The following PRKCB variants were observed in gnomAD, a reference collection of about 807,000 sequenced individuals.
The protein encoded by PRKCB is protein kinase C beta.
Under a neutral mutation model 81.5 loss-of-function variants are expected in PRKCB, and 13 were observed. The observed-to-expected ratio is 0.16, with a 90% CI of 0.10 to 0.25. The LOEUF (loss-of-function observed/expected upper bound fraction) is 0.25, where lower values mean the gene tolerates loss of function less well. Ranked by LOEUF, PRKCB falls within the 10% of genes least tolerant of loss-of-function variation. PRKCB has a pLI of 1.00. For synonymous variants in PRKCB, 335 were observed against 321.4 expected, an observed-to-expected ratio of 1.04 and a Z score of -0.45; for missense variants, 509 against 875.7, an observed-to-expected ratio of 0.58 and a Z score of 5.29.
At chr16:24,080,850 G>A (rs1467509906) in intron 5 of PRKCB, among the ~76,000 whole-genome samples, 2 of 152,048 alleles carry the variant, frequency 1.3e-5, no homozygotes, top group South Asian at 4.2e-4. Context: ...GTGCTTAAAA[G>A]GAAATTTATA....
chr16:23,938,463 T>TAAA (rs1366355090), intron 2 of PRKCB, among the ~76,000 whole-genome samples: 2 of 152,218 alleles, frequency 1.3e-5, no homozygotes, highest in Non-Finnish European at 2.9e-5. Flanking sequence ...TAATTAAACA[T>TAAA]AATATTGAGT....
At chr16:23,875,617 CAT>C (rs10577968) in intron 2 of PRKCB, among the ~76,000 whole-genome samples, 1,214 of 32,222 alleles carry the variant, frequency 0.038, 92 homozygotes, top group East Asian at 0.073. Context: ...ATATCACACA[CAT>C]ATATGTATGT....
chr16:24,087,048 G>C (rs10163332), intron 5 of PRKCB, among the ~76,000 whole-genome samples: 8,397 of 152,110 alleles, frequency 0.055, 683 homozygotes, highest in African/African-American at 0.18. Flanking sequence ...ATTTTTATAT[G>C]TGTGCACATT....
chr16:24,132,795 T>TTTTTTC (rs1567386726), intron 9 of PRKCB, among the ~76,000 whole-genome samples: 30 of 138,920 alleles, frequency 2.2e-4, no homozygotes, highest in African/African-American at 7.8e-4. Flanking sequence ...TTTTTTTTCT[T>TTTTTTC]CTAGAGACAG....
chr16:23,840,507 T>C (rs1336015341), intron 2 of PRKCB, among the ~76,000 whole-genome samples: 3 of 152,202 alleles, frequency 2.0e-5, no homozygotes, highest in Non-Finnish European at 2.9e-5. Context: ...CTACATCCTC[T>C]TAGCTAGGGT....
Position 23,937,279 on chromosome 16 carries a change from A to C in PRKCB, c.206-51229A>C, listed in dbSNP as rs537801494. ...ATGCTTCTGTGCACTGAAGTTTCAG[A>C]ACCACTGTTCTAAGGGATTTGTTGT... On this transcript the variant is annotated intron_variant, in intron 2 of 16. Transcript: ENST00000643927. Among the ~76,000 whole-genome samples the C allele has an allele frequency of 2.6e-5, 4 of 152,326 alleles. No individual in the cohort carries two copies. In the East Asian group the frequency reaches 5.8e-4, roughly 22 times the overall value.
At chr16:23,943,891 G>A (rs1412817770) in intron 2 of PRKCB, among the ~76,000 whole-genome samples, 1 of 152,136 alleles carries the variant, frequency 6.6e-6, no homozygotes, top group Non-Finnish European at 1.5e-5. Context: ...CAACATAGAG[G>A]GGAAAAGATC....
chr16:23,952,260 C>A (rs1964293724), intron 2 of PRKCB, among the ~76,000 whole-genome samples: 1 of 152,330 alleles, frequency 6.6e-6, no homozygotes, highest in African/African-American at 2.4e-5. Flanking sequence ...AGAGAAGCCC[C>A]CCTCATTCCA....
At chr16:24,047,999 T>G (rs1045408339) in intron 5 of PRKCB, among the ~76,000 whole-genome samples, 1 of 152,210 alleles carries the variant, frequency 6.6e-6, no homozygotes, top group African/African-American at 2.4e-5. Flanking sequence ...TGGCTGACGC[T>G]TACTGAGCCC....
intron 2 of PRKCB, among the ~76,000 whole-genome samples, chr16:23,972,950 C>A (rs1160785911): frequency 6.6e-6 from 1 of 152,118 alleles, no homozygotes; most frequent in Non-Finnish European, 1.5e-5. Context: ...GAGCTAGTGC[C>A]TATTATGGTG....
chr16:23,991,698 C>G (rs572473852), intron 3 of PRKCB, among the ~76,000 whole-genome samples: 1 of 152,314 alleles, frequency 6.6e-6, no homozygotes, highest in African/African-American at 2.4e-5. Context: ...CTGTTTCTCC[C>G]CTTCTTGGCT....
chr16:24,192,088 G>A (rs1035599239), intron 16 of PRKCB, among the ~76,000 whole-genome samples: 1 of 152,210 alleles, frequency 6.6e-6, no homozygotes, highest in Non-Finnish European at 1.5e-5. Context: ...GAAACCTAAC[G>A]TTGTAAGGGT....
At chr16:23,893,278 A>G (rs1159779770) in intron 2 of PRKCB, 1 of 152,290 alleles carries the variant, frequency 6.6e-6, no homozygotes, top group East Asian at 1.9e-4. Flanking sequence ...CTTGGAGCCA[A>G]TAAATTGGCC....
intron 10 of PRKCB, among the ~76,000 whole-genome samples, chr16:24,169,237 G>T (rs761000793): frequency 1.3e-5 from 2 of 152,064 alleles, no homozygotes; most frequent in Non-Finnish European, 2.9e-5. Context: ...CTGCTGCCTC[G>T]AGGATCACCC....
intron 2 of PRKCB, among the ~76,000 whole-genome samples, chr16:23,983,537 G>T (rs1567334602): frequency 6.6e-6 from 1 of 152,070 alleles, no homozygotes; most frequent in Non-Finnish European, 1.5e-5. Flanking sequence ...CATGAAGTTG[G>T]TTATGTTTTC....
chr16:23,913,397 T>G (rs1963691478), intron 2 of PRKCB, among the ~76,000 whole-genome samples: 1 of 151,860 alleles, frequency 6.6e-6, no homozygotes. Context: ...AGAGTCCCAG[T>G]GCCATGGGTG....
At chr16:24,168,305 C>T (rs189959798) in intron 10 of PRKCB, among the ~76,000 whole-genome samples, 65 of 152,166 alleles carry the variant, frequency 4.3e-4, no homozygotes, top group Non-Finnish European at 6.2e-4. Flanking sequence ...ACTGTATTGA[C>T]TTAAAAGGTG....
rs563312681 is a variant in PRKCB at position 24,065,466 on chromosome 16, G to T, written c.530-27325G>T. Among the ~76,000 whole-genome samples, 3 of 152,026 alleles carry T rather than the reference G, an allele frequency of 2.0e-5. No individual in the cohort carries two copies. The South Asian group carries it at 6.3e-4, about 32-fold the overall frequency. On this transcript the variant is annotated intron_variant, in intron 5 of 16. Transcript: ENST00000643927. Reference sequence around the variant, plus strand: ...TTTATTACGTTCCAAATGATCCTAGGTTCTTTAACATTTTAGTCCTGTTTA... The same window carrying T: ...TTTATTACGTTCCAAATGATCCTAGTTTCTTTAACATTTTAGTCCTGTTTA...
chr16:23,947,414 G>C (rs1376592833), intron 2 of PRKCB, among the ~76,000 whole-genome samples: 5 of 152,136 alleles, frequency 3.3e-5, no homozygotes, highest in African/African-American at 1.2e-4. Context: ...TCTTAGTTTT[G>C]GTTCTGCCAG....
Sources: allele counts gnomAD v4.1 joint callset (sites outside exome capture counted in the v4.1 genomes callset), GRCh38; gene constraint gnomAD v4.1.1; transcripts MANE v1.5; gene names NCBI Gene and HGNC (gene_info 2026-07-23, HGNC 2026-07-21).